Variants in TEX26 observed in about 807,000 individuals in gnomAD.
TEX26 encodes the protein testis expressed 26.
A neutral mutation model predicts 35.3 loss-of-function variants in TEX26; 34 were observed. The ratio of observed to expected loss-of-function variants is 0.96; its 90% confidence interval spans 0.73 to 1.28. The LOEUF (loss-of-function observed/expected upper bound fraction) is 1.28. Among genes scored for constraint, TEX26 ranks in the 50% most tolerant of loss-of-function variants. TEX26 has a pLI of 0.00. For synonymous variants in TEX26, 136 were observed against 111.8 expected, an observed-to-expected ratio of 1.22 and a Z score of -1.36; for missense variants, 371 against 330.1, an observed-to-expected ratio of 1.12 and a Z score of -0.96.
At chr13:30,966,650 G>T (rs1940339714) in intron 5 of TEX26, among the ~76,000 whole-genome samples, 1 of 151,996 alleles carries the variant, frequency 6.6e-6, no homozygotes, top group South Asian at 2.1e-4. Context: ...TGTTGGCCAG[G>T]CTGGTCTCAA....
At chr13:30,974,761 A>G in intron 6 of TEX26, 85 bp from the exon 7 acceptor site, 1 of 1,329,292 alleles carries the variant, frequency 7.5e-7, no homozygotes. Flanking sequence ...ATTATCAGAT[A>G]TTTTCTTCCT....
chr13:30,966,232 T>G lies in TEX26; in HGVS notation c.480T>G (p.Ile160Met). ...TCCATTCCACCCCAGCTCAGAAGAT[T>G]AAGAAAAGTTCTCACTTGTCTCTGG... is the stretch of plus-strand genomic sequence containing the variant. The part of the protein sequence containing the change: ...DFVDRSKAQK[I>M]KKSSHLSLEW... Residue 160 changes from isoleucine to methionine, a missense_variant, in exon 5 of 7, where the codon ATT (isoleucine) becomes ATG (methionine). Coordinates refer to ENST00000380473, the MANE Select transcript of TEX26 (RefSeq NM_152325.3). The G allele has an allele frequency of 1.9e-6, 3 of 1,614,018 alleles. No homozygotes were observed. Among genetic ancestry groups the G allele is most frequent in the Non-Finnish European group, 2.5e-6 (3 of 1,179,980 alleles).
chr13:30,950,139 C>T (rs1158357036), intron 2 of TEX26, among the ~76,000 whole-genome samples: 1 of 152,184 alleles, frequency 6.6e-6, no homozygotes, highest in East Asian at 1.9e-4. Context: ...GGCATGGTGG[C>T]TCATGCCTGT....
intron 1 of TEX26, chr13:30,933,360 A>G (rs894604220): frequency 1.3e-5 from 2 of 152,294 alleles, no homozygotes; most frequent in Non-Finnish European, 2.9e-5. Flanking sequence ...AGTGCTTTTC[A>G]TCCTAATTCT....
intron 3 of TEX26, among the ~76,000 whole-genome samples, chr13:30,956,549 G>A (rs984064757): frequency 6.6e-6 from 1 of 152,130 alleles, no homozygotes; most frequent in Non-Finnish European, 1.5e-5. Flanking sequence ...TGTGCTCCTT[G>A]GGAATGGCCA....
chr13:30,957,307 G>T (rs771608512), intron 4 of TEX26, among the ~76,000 whole-genome samples: 19 of 152,250 alleles, frequency 1.2e-4, no homozygotes, highest in Middle Eastern at 3.4e-3. Context: ...AATTAGCCAG[G>T]CAAAGAGGTA....
rs1274800233 is a variant in TEX26 at position 30,969,008 on chromosome 13, C to T, written c.770C>T (p.Ser257Phe). ...FLMLLNSFTS[S>F]QVKEYLQSLS... The stretch of plus-strand genomic sequence containing the variant: ...ATGCTTTTAAACTCATTTACTTCCT[C>T]TCAAGTCAAAGAGTACCTTCAGAGT... The change falls in exon 6 of 7, where the codon TCT becomes TTT. Residue 257 changes from serine to phenylalanine, a missense_variant. Physicochemically the swap from Ser to Phe is radical, Grantham distance 155. Transcript: ENST00000380473. 6.2e-7 allele frequency: 1 copy of T among 1,613,948 alleles called. No homozygotes were observed. Among genetic ancestry groups the T allele is most frequent in the African/African-American group, 1.3e-5 (1 of 74,926 alleles).
At chr13:30,948,717 T>C (rs1953810125) in intron 2 of TEX26, among the ~76,000 whole-genome samples, 1 of 152,148 alleles carries the variant, frequency 6.6e-6, no homozygotes, top group Non-Finnish European at 1.5e-5. Flanking sequence ...GGTGGTTTCT[T>C]TTGCTGTGCA....
intron 1 of TEX26, among the ~76,000 whole-genome samples, chr13:30,936,346 A>G (rs1422142925): frequency 1.3e-5 from 2 of 152,150 alleles, no homozygotes; most frequent in East Asian, 3.9e-4. Context: ...GTCATTAGCC[A>G]TCTTTCCCTT....
chr13:30,946,152 T>G (rs1240804592), intron 2 of TEX26, among the ~76,000 whole-genome samples: 1 of 151,884 alleles, frequency 6.6e-6, no homozygotes, highest in Non-Finnish European at 1.5e-5. Context: ...TCATTTCTTT[T>G]TATTCTTTTT....
chr13:30,966,110 T>C, intron 4 of TEX26, 112 bp from the exon 5 acceptor site: 2 of 1,071,320 alleles, frequency 1.9e-6, no homozygotes, highest in Middle Eastern at 2.2e-4. Flanking sequence ...TATTTCTCCA[T>C]TGAAGTGTTC....
chr13:30,940,106 T>A (rs1953422690), intron 2 of TEX26, among the ~76,000 whole-genome samples: 1 of 152,034 alleles, frequency 6.6e-6, no homozygotes, highest in South Asian at 2.1e-4. Flanking sequence ...CATTCCCTAA[T>A]ATAGAGTAGG....
At chr13:30,967,627 A>G (rs570375701) in intron 5 of TEX26, among the ~76,000 whole-genome samples, 1 of 152,208 alleles carries the variant, frequency 6.6e-6, no homozygotes, top group South Asian at 2.1e-4. Flanking sequence ...TCCTCTCACC[A>G]GTTTGGTTCC....
At chr13:30,968,842 G>C in intron 5 of TEX26, 43 bp from the exon 6 acceptor site, 1 of 1,587,570 alleles carries the variant, frequency 6.3e-7, no homozygotes, top group South Asian at 1.1e-5. Flanking sequence ...GGTGTGCTTG[G>C]GTGCCAGCCT....
At chr13:30,944,566 C>T (rs934268744) in intron 2 of TEX26, among the ~76,000 whole-genome samples, 6 of 151,838 alleles carry the variant, frequency 4.0e-5, no homozygotes, top group African/African-American at 9.7e-5. Context: ...AGACTTTTTG[C>T]TGTAGGCATT....
chr13:30,947,119 A>G (rs1185835649), intron 2 of TEX26, among the ~76,000 whole-genome samples: 3 of 152,168 alleles, frequency 2.0e-5, no homozygotes, highest in Non-Finnish European at 4.4e-5. Context: ...GTACTGAGTT[A>G]TCACAATTAT....
intron 5 of TEX26, among the ~76,000 whole-genome samples, chr13:30,966,639 A>C (rs1954547213): frequency 6.6e-6 from 1 of 151,880 alleles, no homozygotes. Flanking sequence ...GGATTTTGCC[A>C]TGTTGGCCAG....
chr13:30,969,798 T>C (rs1447597097), intron 6 of TEX26, among the ~76,000 whole-genome samples: 1 of 152,122 alleles, frequency 6.6e-6, no homozygotes, highest in Admixed American at 6.5e-5. Context: ...AACTAATGTA[T>C]CACATACATT....
chr13:30,954,188 C>T (rs949522828), intron 3 of TEX26, among the ~76,000 whole-genome samples: 3 of 150,948 alleles, frequency 2.0e-5, no homozygotes, highest in Admixed American at 6.6e-5. Flanking sequence ...AGAATGTATA[C>T]ATATAGCTGA....
Sources: allele counts gnomAD v4.1 joint callset (sites outside exome capture counted in the v4.1 genomes callset), GRCh38; gene constraint gnomAD v4.1.1; transcripts MANE v1.5; gene names NCBI Gene and HGNC (gene_info 2026-07-23, HGNC 2026-07-21).